The following AK7 variants were observed in gnomAD, a reference collection of about 807,000 sequenced individuals.
AK7 encodes the protein ATP-AMP transphosphorylase 7.
In AK7, 78 loss-of-function variants were observed where a neutral mutation model predicts 96.6. The observed-to-expected ratio is 0.81, with a 90% CI of 0.67 to 0.97. The LOEUF (loss-of-function observed/expected upper bound fraction) is 0.97. Among genes scored for constraint, AK7 ranks in the 50% least tolerant of loss-of-function variants. The probability of loss-of-function intolerance (pLI) is 0.00; values close to 1 mark genes in which losing one functional copy is unlikely to be tolerated. For synonymous variants in AK7, 302 were observed against 317.2 expected, an observed-to-expected ratio of 0.95 and a Z score of 0.51; for missense variants, 855 against 887.9, an observed-to-expected ratio of 0.96 and a Z score of 0.47.
At chr14:96,415,521 A>G (rs183386149) in intron 4 of AK7, among the ~76,000 whole-genome samples, 3 of 151,772 alleles carry the variant, frequency 2.0e-5, no homozygotes, top group Admixed American at 2.0e-4. Context: ...AAAAACAAAG[A>G]AAAAACAGCA....
chr14:96,460,662 C>T (rs529566271), intron 12 of AK7, among the ~76,000 whole-genome samples: 1 of 152,334 alleles, frequency 6.6e-6, no homozygotes, highest in African/African-American at 2.4e-5. Flanking sequence ...CTCACCTCCA[C>T]CTGGGTTGGA....
chr14:96,475,099 T>C (rs1895100898), intron 14 of AK7, among the ~76,000 whole-genome samples: 1 of 152,252 alleles, frequency 6.6e-6, no homozygotes, highest in Non-Finnish European at 1.5e-5. Context: ...CACTGGACTT[T>C]CCATTCTTTG....
chr14:96,402,904 G>A lies in AK7; in HGVS notation c.295-1853G>A, dbSNP rs145770590. On this transcript the variant is annotated intron_variant, in intron 2 of 17. Coordinates refer to ENST00000267584, the MANE Select transcript of AK7 (RefSeq NM_152327.5). ...CAGTACTTTGGGAGGCCAAGCGGGCGGATCACCTGAGGTCAGGAGTTCAAG... is the reference window on the plus strand; with the variant it reads ...CAGTACTTTGGGAGGCCAAGCGGGCAGATCACCTGAGGTCAGGAGTTCAAG... Among the ~76,000 whole-genome samples the A allele has an allele frequency of 6.5e-4, 98 of 151,564 alleles. No individual in the cohort carries two copies. In the East Asian group the frequency reaches 0.016, roughly 25 times the overall value.
chr14:96,407,844 G>C (rs1218568603), intron 3 of AK7, among the ~76,000 whole-genome samples: 1 of 152,090 alleles, frequency 6.6e-6, no homozygotes, highest in Non-Finnish European at 1.5e-5. Context: ...GCCTCCCAAA[G>C]TGCTGGGATT....
At chr14:96,467,729 G>A (rs982990774) in intron 12 of AK7, among the ~76,000 whole-genome samples, 6 of 152,156 alleles carry the variant, frequency 3.9e-5, no homozygotes, top group African/African-American at 1.4e-4. Flanking sequence ...GCCTGGATGA[G>A]AATGTAGATT....
Position 96,482,906 on chromosome 14 carries a change from G to C in AK7, c.1754-93G>C. The C allele has an allele frequency of 4.1e-6, 5 of 1,229,082 alleles. No individual in the cohort carries two copies. The South Asian group carries it at 6.8e-5, about 17-fold the overall frequency. 76.1% of individuals were successfully genotyped at this position (1,229,082 alleles called of 1,614,324 possible). A position where few individuals can be genotyped will look rare whatever the true frequency, so the allele number is the denominator to read the frequency against. On this transcript the variant is annotated intron_variant, in intron 15 of 17. Coordinates refer to ENST00000267584, the MANE Select transcript of AK7 (RefSeq NM_152327.5). ...ACCCTATGTGGTAATTTACATAATT[G>C]ACTATCGCAAGTTTATAGTAATAAA...
chr14:96,437,219 TG>T (rs1170301173), intron 5 of AK7, among the ~76,000 whole-genome samples: 1 of 151,940 alleles, frequency 6.6e-6, no homozygotes, highest in African/African-American at 2.4e-5. Context: ...ATAATTGGAG[TG>T]TTTGTAATTC....
intron 12 of AK7, among the ~76,000 whole-genome samples, chr14:96,458,912 CAAAAAAAAA>C (rs780061684): frequency 8.5e-5 from 2 of 23,508 alleles, no homozygotes; most frequent in African/African-American, 2.0e-4. Flanking sequence ...CCTGTCTCAA[CAAAAAAAAA>C]AAAAAAAAAA....
chr14:96,480,747 G>A (rs1895462208), intron 15 of AK7, among the ~76,000 whole-genome samples: 1 of 152,156 alleles, frequency 6.6e-6, no homozygotes, highest in Non-Finnish European at 1.5e-5. Context: ...GTAACAGGGA[G>A]GAATGAATGA....
At chr14:96,480,338 A>C (rs1018493352) in intron 15 of AK7, among the ~76,000 whole-genome samples, 1 of 152,076 alleles carries the variant, frequency 6.6e-6, no homozygotes, top group Non-Finnish European at 1.5e-5. Context: ...AGGCTGAGGC[A>C]GGAGAATCAT....
At chr14:96,396,094 C>G (rs956600648) in intron 1 of AK7, among the ~76,000 whole-genome samples, 22 of 152,032 alleles carry the variant, frequency 1.4e-4, no homozygotes, top group African/African-American at 5.3e-4. Context: ...TTTTTTATAA[C>G]AATATTTTTG....
intron 12 of AK7, among the ~76,000 whole-genome samples, chr14:96,462,161 G>A (rs530611948): frequency 2.2e-4 from 34 of 152,290 alleles, no homozygotes; most frequent in Admixed American, 1.6e-3. Context: ...TGTAAGAGGG[G>A]CCCTGGGAGG....
rs1418644220 is a variant in AK7, at chr14:96,451,710, G to T, written c.1098+140G>T. 8.0e-6 allele frequency: 7 copies of T among 869,852 alleles called. No homozygotes were observed. In the South Asian group the frequency reaches 2.3e-4, roughly 28 times the overall value. 53.9% of individuals were successfully genotyped at this position (869,852 alleles called of 1,614,324 possible). A position where few individuals can be genotyped will look rare whatever the true frequency, so the allele number is the denominator to read the frequency against. On this transcript the variant is annotated intron_variant, in intron 10 of 17. Coordinates refer to ENST00000267584, the MANE Select transcript of AK7 (RefSeq NM_152327.5). ...CAAGTTTTTCAAATTTGACAAATTT[G>T]TCCAGGTCTAACAAATTTACATGTA... is the stretch of plus-strand genomic sequence containing the variant.
intron 12 of AK7, among the ~76,000 whole-genome samples, chr14:96,464,397 A>G (rs1463858408): frequency 6.6e-6 from 1 of 151,856 alleles, no homozygotes; most frequent in African/African-American, 2.4e-5. Context: ...AAAATACAAA[A>G]AAAATAGCCA....
intron 5 of AK7, among the ~76,000 whole-genome samples, chr14:96,428,038 T>C (rs1892130735): frequency 6.6e-6 from 1 of 152,158 alleles, no homozygotes; most frequent in Non-Finnish European, 1.5e-5. Flanking sequence ...TATGTATACA[T>C]GTCCCATGTT....
intron 8 of AK7, among the ~76,000 whole-genome samples, chr14:96,448,313 A>G (rs1893363439): frequency 6.6e-6 from 1 of 152,024 alleles, no homozygotes; most frequent in Non-Finnish European, 1.5e-5. Context: ...TATTGTTCAC[A>G]GTTCCAGAGG....
At chr14:96,479,070 G>A (rs1895359313) in intron 15 of AK7, among the ~76,000 whole-genome samples, 1 of 151,428 alleles carries the variant, frequency 6.6e-6, no homozygotes, top group Non-Finnish European at 1.5e-5. Context: ...CACCAGGCCT[G>A]ATTAATTTTT....
At chr14:96,449,939 T>A (rs1232494418) in intron 9 of AK7, 60 bp downstream of exon 9, 1 of 1,281,866 alleles carries the variant, frequency 7.8e-7, no homozygotes, top group Non-Finnish European at 1.1e-6. Context: ...TGGAGTATTG[T>A]TATTTTTTTA....
intron 8 of AK7, among the ~76,000 whole-genome samples, chr14:96,448,043 C>G (rs1893345229): frequency 6.6e-6 from 1 of 150,414 alleles, no homozygotes; most frequent in Non-Finnish European, 1.5e-5. Context: ...GTGGGAGGAT[C>G]ACTTGAGCCC....
Sources: allele counts gnomAD v4.1 joint callset (sites outside exome capture counted in the v4.1 genomes callset), GRCh38; gene constraint gnomAD v4.1.1; transcripts MANE v1.5; gene names NCBI Gene and HGNC (gene_info 2026-07-23, HGNC 2026-07-21).